The following NELL1 variants were observed in gnomAD, a reference collection of about 807,000 sequenced individuals.
NELL1 encodes neural EGFL like 1.
Under a neutral mutation model 107.4 loss-of-function variants are expected in NELL1, and 76 were observed. That is an observed-to-expected ratio of 0.71 (90% CI 0.59 to 0.86). NELL1 has a LOEUF of 0.86. Among genes scored for constraint, NELL1 ranks in the 40% least tolerant of loss-of-function variants. NELL1 has a pLI of 0.00. For synonymous variants in NELL1, 353 were observed against 341.2 expected (o/e 1.03, Z -0.38); for missense variants, 1,024 against 1,005.5 (o/e 1.02, Z -0.25).
At chr11:21,207,350 G>A (rs537163814) in intron 13 of NELL1, among the ~76,000 whole-genome samples, 1 of 152,280 alleles carries the variant, frequency 6.6e-6, no homozygotes, top group African/African-American at 2.4e-5. Context: ...AAAGTGAGCA[G>A]GTGACAAAGC....
intron 15 of NELL1, among the ~76,000 whole-genome samples, chr11:21,451,889 G>C (rs1853596731): frequency 6.6e-6 from 1 of 152,124 alleles, no homozygotes; most frequent in Non-Finnish European, 1.5e-5. Context: ...GAGGGAAGAA[G>C]AGATGGAAGG....
chr11:21,183,767 T>C (rs1474638256), intron 13 of NELL1, among the ~76,000 whole-genome samples: 4 of 151,816 alleles, frequency 2.6e-5, no homozygotes. Context: ...GATATTACTT[T>C]ATTTTAATAA....
chr11:21,369,621 A>G (rs1046423606), intron 14 of NELL1, among the ~76,000 whole-genome samples: 2 of 152,078 alleles, frequency 1.3e-5, no homozygotes, highest in African/African-American at 4.8e-5. Flanking sequence ...TTACACTCAT[A>G]TTAATTTTGA....
At chr11:21,435,748 A>G (rs1280398642) in intron 15 of NELL1, among the ~76,000 whole-genome samples, 1 of 151,692 alleles carries the variant, frequency 6.6e-6, no homozygotes, top group Non-Finnish European at 1.5e-5. Flanking sequence ...CATGTTTTGC[A>G]TGTGTTTTCA....
chr11:21,538,008 T>A (rs1181078617), intron 16 of NELL1, among the ~76,000 whole-genome samples: 1 of 152,176 alleles, frequency 6.6e-6, no homozygotes, highest in Non-Finnish European at 1.5e-5. Flanking sequence ...TGGATCTTAA[T>A]AACATAGCTT....
intron 14 of NELL1, among the ~76,000 whole-genome samples, chr11:21,364,373 G>A (rs1301402310): frequency 3.8e-5 from 5 of 131,590 alleles, no homozygotes; most frequent in South Asian, 2.5e-4. Context: ...ATCACACCAT[G>A]GCATTCCAGC....
chr11:21,228,692 C>T (rs1590752462), intron 13 of NELL1, among the ~76,000 whole-genome samples: 1 of 29,328 alleles, frequency 3.4e-5, no homozygotes, highest in African/African-American at 1.3e-4. Context: ...CCCTCCCCTC[C>T]CCTCTCCTTC....
At position 21,168,224 on chromosome 11, in the gene NELL1, A is replaced by C. The variant is rs141095392; in HGVS notation, c.1426+54510A>C. On this transcript the variant is annotated intron_variant, in intron 13 of 19. Coordinates refer to ENST00000357134, the MANE Select transcript of NELL1 (RefSeq NM_006157.5). Reference sequence around the variant, plus strand: ...GGTCATCTCTGATAAATGGGCATCCAATTTCTGCCTTAACAACCCAGGTGA... The same window carrying C: ...GGTCATCTCTGATAAATGGGCATCCCATTTCTGCCTTAACAACCCAGGTGA... Among the ~76,000 whole-genome samples the C allele has an allele frequency of 1.8e-3, 273 of 151,960 alleles. 4 individuals carry two copies. The highest frequency in any genetic ancestry group is 6.1e-3 in the African/African-American group (250 of 41,234).
intron 12 of NELL1, among the ~76,000 whole-genome samples, chr11:20,966,079 C>G (rs2403648): frequency 1.3e-5 from 2 of 152,038 alleles, no homozygotes; most frequent in Non-Finnish European, 2.9e-5. Flanking sequence ...TCTCCTAAAG[C>G]TCTACTTTAG....
At chr11:20,794,163 G>A (rs1365393989) in intron 3 of NELL1, among the ~76,000 whole-genome samples, 1 of 152,138 alleles carries the variant, frequency 6.6e-6, no homozygotes, top group Non-Finnish European at 1.5e-5. Context: ...TGTATAATCT[G>A]TATCCCATTT....
chr11:21,084,354 A>G (rs758269189), intron 12 of NELL1, among the ~76,000 whole-genome samples: 6 of 152,164 alleles, frequency 3.9e-5, no homozygotes, highest in African/African-American at 7.2e-5. Context: ...CAATTTCTTT[A>G]TCTAATAATA....
chr11:21,342,952 C>G (rs1265490893), intron 14 of NELL1, among the ~76,000 whole-genome samples: 1 of 152,102 alleles, frequency 6.6e-6, no homozygotes, highest in Non-Finnish European at 1.5e-5. Flanking sequence ...GGAAGCACAT[C>G]TTCCTCTTTG....
At chr11:20,854,835 C>G (rs975473931) in intron 4 of NELL1, among the ~76,000 whole-genome samples, 3 of 152,172 alleles carry the variant, frequency 2.0e-5, no homozygotes, top group Admixed American at 2.0e-4. Context: ...GACATACATC[C>G]TCTGAATGCT....
chr11:21,475,347 G>A (rs866481852), intron 15 of NELL1, among the ~76,000 whole-genome samples: 6 of 152,056 alleles, frequency 3.9e-5, no homozygotes, highest in South Asian at 4.1e-4. Context: ...CAGCCTAAAC[G>A]GTTCTGTAGT....
chr11:21,115,358 A>ACACG, intron 13 of NELL1, among the ~76,000 whole-genome samples: 1 of 151,714 alleles, frequency 6.6e-6, no homozygotes, highest in Non-Finnish European at 1.5e-5. Context: ...ACACACACAC[A>ACACG]CACACACACA....
intron 5 of NELL1, among the ~76,000 whole-genome samples, chr11:20,897,350 G>A (rs1295181138): frequency 2.6e-5 from 4 of 152,124 alleles, no homozygotes; most frequent in Non-Finnish European, 5.9e-5. Context: ...TGGGAAAACT[G>A]GCTAGCCATA....
chr11:21,212,907 A>G (rs1857531325), intron 13 of NELL1, among the ~76,000 whole-genome samples: 1 of 152,232 alleles, frequency 6.6e-6, no homozygotes. Flanking sequence ...TTGGAAAAGA[A>G]CAAATCAAGC....
intron 2 of NELL1, among the ~76,000 whole-genome samples, chr11:20,755,556 G>GTTTTTTTTTTTTTTTTTT (rs1188989442): frequency 4.3e-5 from 1 of 23,370 alleles, no homozygotes; most frequent in African/African-American, 8.4e-5. Flanking sequence ...TTTTGTTTTT[G>GTTTTTTTTTTTTTTTTTT]TTTTTGTTTT....
chr11:21,110,721 C>T (rs1007920510), intron 12 of NELL1, among the ~76,000 whole-genome samples: 1 of 152,084 alleles, frequency 6.6e-6, no homozygotes, highest in Admixed American at 6.6e-5. Flanking sequence ...GCTGGGCATC[C>T]CAGCAGAGTG....
Sources: gnomAD v4.1 joint callset for allele counts (sites outside exome capture counted in the v4.1 genomes callset) on GRCh38, gnomAD v4.1.1 for gene constraint, MANE v1.5 for transcripts, NCBI Gene and HGNC (gene_info 2026-07-23, HGNC 2026-07-21) for gene names.